TRDN: variants seen among roughly 807,000 people sequenced by gnomAD.
TRDN encodes the protein triadin.
Under a neutral mutation model 149.7 loss-of-function variants are expected in TRDN, and 161 were observed. That is an observed-to-expected ratio of 1.08 (90% CI 0.95 to 1.23). TRDN has a LOEUF of 1.23. Among genes scored for constraint, TRDN ranks in the 50% most tolerant of loss-of-function variants. The pLI, the probability that TRDN is intolerant of heterozygous loss-of-function variation, is 0.00. For missense variants in TRDN, 896 were observed against 823.5 expected (o/e 1.09, Z -1.08); for synonymous variants, 294 against 250.5 (o/e 1.17, Z -1.64).
intron 38 of TRDN, among the ~76,000 whole-genome samples, chr6:123,232,011 A>C (rs1343127401): frequency 6.6e-6 from 1 of 152,024 alleles, no homozygotes; most frequent in Non-Finnish European, 1.5e-5. Flanking sequence ...TAGGAATTGA[A>C]TGTGACTGGA....
intron 23 of TRDN, among the ~76,000 whole-genome samples, chr6:123,324,281 A>T (rs1779359942): frequency 6.6e-6 from 1 of 152,130 alleles, no homozygotes; most frequent in Non-Finnish European, 1.5e-5. Context: ...ATGTAAAAAT[A>T]ATAGAAGACT....
chr6:123,618,951 T>C (rs1785241278), intron 1 of TRDN, among the ~76,000 whole-genome samples: 1 of 152,152 alleles, frequency 6.6e-6, no homozygotes, highest in Admixed American at 6.6e-5. Context: ...AAATATATTT[T>C]ACTAAAGGAA....
At chr6:123,516,535 C>T (rs558548567) in intron 5 of TRDN, among the ~76,000 whole-genome samples, 4 of 152,044 alleles carry the variant, frequency 2.6e-5, no homozygotes, top group East Asian at 3.9e-4. Context: ...CAAAGGAGCC[C>T]GGCTTTGATA....
chr6:123,266,731 T>TA lies in TRDN; in HGVS notation c.1783+975dup, dbSNP rs1281126085. ...TATATATAATATATATGATATATTA[T>TA]ATATGTAATATATTATAATATGTAT... On this transcript the variant is annotated intron_variant, in intron 32 of 40. Coordinates refer to ENST00000334268, the MANE Select transcript of TRDN (RefSeq NM_006073.4). 7.3e-5 allele frequency among the ~76,000 whole-genome samples: 5 copies of TA among 68,454 alleles called. 1 individual carries two copies. The highest frequency in any genetic ancestry group is 5.1e-4 in the Admixed American group (2 of 3,956). The allele number at this position is 68,454 out of a possible 152,430, so 44.9% of individuals were successfully genotyped here.
intron 2 of TRDN, among the ~76,000 whole-genome samples, chr6:123,558,452 TG>T: frequency 6.6e-6 from 1 of 152,180 alleles, no homozygotes; most frequent in Non-Finnish European, 1.5e-5. Flanking sequence ...CTTAAAAAGG[TG>T]GCTGGAGCTA....
chr6:123,464,952 C>T lies in TRDN; in HGVS notation c.885G>A (p.Pro295=), dbSNP rs769189541. 1.2e-5 allele frequency: 19 copies of T among 1,598,442 alleles called. No homozygotes were observed. The highest frequency in any genetic ancestry group is 8.0e-5 in the South Asian group (7 of 88,016). ...GQSPAIPPPL[P]TEQASRPTPA... Reference sequence around the variant, plus strand: ...GAGTGGGTCTGGAAGCTTGTTCTGTCGGTAAGGGAGGTGGAATGGCTGGGC... The same window carrying T: ...GAGTGGGTCTGGAAGCTTGTTCTGTTGGTAAGGGAGGTGGAATGGCTGGGC... The change falls in exon 10 of 41, where the codon CCG becomes CCA. Residue 295 remains proline, a synonymous_variant. Coordinates refer to ENST00000334268, the MANE Select transcript of TRDN (RefSeq NM_006073.4).
intron 5 of TRDN, among the ~76,000 whole-genome samples, chr6:123,516,469 T>G (rs931706634): frequency 9.2e-5 from 14 of 152,072 alleles, no homozygotes; most frequent in African/African-American, 3.4e-4. Flanking sequence ...CGTCAGCTTT[T>G]CCAAATCTTT....
intron 24 of TRDN, among the ~76,000 whole-genome samples, chr6:123,309,620 A>G (rs1378841337): frequency 6.6e-6 from 1 of 151,980 alleles, no homozygotes; most frequent in Admixed American, 6.6e-5. Context: ...CTGCTCTTAC[A>G]CAGTTGACTC....
intron 1 of TRDN, among the ~76,000 whole-genome samples, chr6:123,590,142 G>A (rs775797900): frequency 3.9e-5 from 6 of 152,138 alleles, no homozygotes; most frequent in Non-Finnish European, 7.4e-5. Context: ...AGGTCACACA[G>A]CAGGAGGTGA....
intron 2 of TRDN, among the ~76,000 whole-genome samples, chr6:123,560,692 T>A (rs891758411): frequency 1.3e-5 from 2 of 152,192 alleles, no homozygotes; most frequent in African/African-American, 4.8e-5. Flanking sequence ...ATCTGGCCAC[T>A]CTCACCCACT....
chr6:123,454,382 T>TA (rs535740516), intron 10 of TRDN, among the ~76,000 whole-genome samples: 57 of 152,220 alleles, frequency 3.7e-4, no homozygotes, highest in Non-Finnish European at 6.6e-4. Context: ...TCAAACAAGG[T>TA]AAAAAAATAT....
chr6:123,544,048 C>T (rs1021826694), intron 4 of TRDN, among the ~76,000 whole-genome samples: 1 of 151,880 alleles, frequency 6.6e-6, no homozygotes, highest in African/African-American at 2.4e-5. Context: ...TAATATATTG[C>T]AAATCTTCAT....
intron 20 of TRDN, 81 bp from the exon 21 acceptor site, chr6:123,352,667 T>C (rs1780513089): frequency 1.3e-6 from 2 of 1,512,722 alleles, no homozygotes; most frequent in Admixed American, 2.4e-5. Context: ...TTGGAGTTCT[T>C]TCAATGCTAA....
At chr6:123,314,834 G>A (rs1350106718) in intron 24 of TRDN, among the ~76,000 whole-genome samples, 4 of 151,954 alleles carry the variant, frequency 2.6e-5, no homozygotes, top group East Asian at 1.9e-4. Flanking sequence ...ACACACTGGG[G>A]CCAATTGGAG....
intron 10 of TRDN, chr6:123,462,213 A>C (rs1384549891): frequency 6.6e-6 from 1 of 152,208 alleles, no homozygotes; most frequent in Non-Finnish European, 1.5e-5. Flanking sequence ...TTTGTATCAA[A>C]AAATTCAAAG....
At chr6:123,528,748 T>C (rs1780070455) in intron 5 of TRDN, 3 of 990,158 alleles carry the variant, frequency 3.0e-6, no homozygotes, top group Non-Finnish European at 3.6e-6. Context: ...GTCTACCCCA[T>C]TTACAGACGG....
At chr6:123,241,633 G>C (rs1450687422) in intron 38 of TRDN, among the ~76,000 whole-genome samples, 3 of 151,748 alleles carry the variant, frequency 2.0e-5, no homozygotes, top group Non-Finnish European at 4.4e-5. Flanking sequence ...AAAGAAAGTT[G>C]TTTAAAAACA....
At chr6:123,574,892 A>G (rs1429075183) in intron 1 of TRDN, among the ~76,000 whole-genome samples, 2 of 91,988 alleles carry the variant, frequency 2.2e-5, no homozygotes, top group Admixed American at 2.0e-4. Flanking sequence ...ATATATATAT[A>G]TACACACATT....
chr6:123,234,006 T>A (rs2114527903), intron 38 of TRDN, among the ~76,000 whole-genome samples: 1 of 152,122 alleles, frequency 6.6e-6, no homozygotes, highest in African/African-American at 2.4e-5. Context: ...TACCCAAAAT[T>A]TCTATGAGAT....
Sources: gnomAD v4.1 joint callset for allele counts (sites outside exome capture counted in the v4.1 genomes callset) on GRCh38, gnomAD v4.1.1 for gene constraint, MANE v1.5 for transcripts, NCBI Gene and HGNC (gene_info 2026-07-23, HGNC 2026-07-21) for gene names.